Variants in DOK6 observed in about 807,000 individuals in gnomAD.
DOK6 encodes the protein downstream of tyrosine kinase 6.
A neutral mutation model predicts 44.0 loss-of-function variants in DOK6; 22 were observed. That is an observed-to-expected ratio of 0.50 (90% CI 0.36 to 0.71). DOK6 has a LOEUF of 0.71. DOK6 is among the 30% of genes least tolerant of loss of function. The pLI is 0.00. For missense variants in DOK6, 340 were observed against 416.4 expected, an observed-to-expected ratio of 0.82 and a Z score of 1.60; for synonymous variants, 166 against 145.5, an observed-to-expected ratio of 1.14 and a Z score of -1.01.
chr18:69,622,014 G>A (rs904022543), intron 3 of DOK6, among the ~76,000 whole-genome samples: 13 of 152,146 alleles, frequency 8.5e-5, no homozygotes, highest in African/African-American at 3.1e-4. Flanking sequence ...TAAAAATACT[G>A]TACATATAGT....
intron 5 of DOK6, among the ~76,000 whole-genome samples, chr18:69,707,286 AT>A (rs1270478032): frequency 6.6e-6 from 1 of 152,244 alleles, no homozygotes; most frequent in African/African-American, 2.4e-5. Flanking sequence ...ATTCAATGCC[AT>A]CCCCATCAAG....
chr18:69,762,936 G>T (rs934495238), intron 7 of DOK6, among the ~76,000 whole-genome samples: 2 of 152,144 alleles, frequency 1.3e-5, no homozygotes, highest in African/African-American at 2.4e-5. Flanking sequence ...CTTAAAGTAA[G>T]AAAAAGTCAG....
intron 1 of DOK6, among the ~76,000 whole-genome samples, chr18:69,562,147 C>G (rs1255087953): frequency 2.0e-5 from 3 of 152,120 alleles, no homozygotes; most frequent in Admixed American, 2.0e-4. Context: ...TGTCTTTAAA[C>G]ATATCTGTTG....
intron 4 of DOK6, among the ~76,000 whole-genome samples, chr18:69,679,068 C>T (rs1464082532): frequency 8.6e-5 from 13 of 151,890 alleles, no homozygotes; most frequent in East Asian, 1.9e-4. Context: ...TCCAGCTACT[C>T]GGGAGGCTGA....
intron 1 of DOK6, among the ~76,000 whole-genome samples, chr18:69,425,554 GAAATTTGA>G (rs1978614260): frequency 6.6e-6 from 1 of 151,766 alleles, no homozygotes. Context: ...GTATTAACTG[GAAATTTGA>G]ATGTATTATA....
intron 7 of DOK6, among the ~76,000 whole-genome samples, chr18:69,831,784 T>C (rs1275724774): frequency 1.3e-5 from 2 of 152,226 alleles, no homozygotes; most frequent in Non-Finnish European, 2.9e-5. Context: ...GTTTGACTTA[T>C]AATTAAAACA....
intron 1 of DOK6, among the ~76,000 whole-genome samples, chr18:69,446,987 T>A (rs908239641): frequency 1.6e-4 from 25 of 152,170 alleles, no homozygotes; most frequent in Non-Finnish European, 3.5e-4. Context: ...ATTGCAAAAA[T>A]TTTCTATTCT....
At chr18:69,546,877 A>C (rs941713555) in intron 1 of DOK6, among the ~76,000 whole-genome samples, 1 of 151,566 alleles carries the variant, frequency 6.6e-6, no homozygotes, top group East Asian at 1.9e-4. Context: ...TTCTTACATT[A>C]CTATAAAGAA....
chr18:69,754,850 G>A (rs925228001), intron 6 of DOK6, among the ~76,000 whole-genome samples: 3 of 152,130 alleles, frequency 2.0e-5, no homozygotes, highest in Admixed American at 6.6e-5. Context: ...TCATTTGGGG[G>A]ATAGTGTTTT....
chr18:69,725,501 T>A (rs909224796), intron 5 of DOK6, among the ~76,000 whole-genome samples: 2 of 152,198 alleles, frequency 1.3e-5, no homozygotes, highest in African/African-American at 4.8e-5. Flanking sequence ...AAATATGTAT[T>A]TATTGAGACA....
At chr18:69,401,534 G>C (rs2122374297) in intron 1 of DOK6, among the ~76,000 whole-genome samples, 1 of 152,236 alleles carries the variant, frequency 6.6e-6, no homozygotes, top group Admixed American at 6.5e-5. Flanking sequence ...CCCCATCCTC[G>C]AGTGCACCGG....
At chr18:69,487,177 A>ATG (rs5825940) in intron 1 of DOK6, among the ~76,000 whole-genome samples, 15,923 of 140,052 alleles carry the variant, frequency 0.11, 842 homozygotes, top group Non-Finnish European at 0.14. Flanking sequence ...CTGATAGGAT[A>ATG]TGTGTGTGTG....
intron 5 of DOK6, among the ~76,000 whole-genome samples, chr18:69,724,600 TAA>T (rs1978297016): frequency 6.6e-6 from 1 of 152,210 alleles, no homozygotes; most frequent in Non-Finnish European, 1.5e-5. Flanking sequence ...CCATTCTTTA[TAA>T]TAGTTGGTGC....
intron 1 of DOK6, among the ~76,000 whole-genome samples, chr18:69,531,284 GT>G (rs1298937195): frequency 6.9e-6 from 1 of 145,178 alleles, no homozygotes; most frequent in East Asian, 2.0e-4. Context: ...TATATTATAT[GT>G]TATATATTAT....
At chr18:69,448,729 T>C (rs1047759839) in intron 1 of DOK6, among the ~76,000 whole-genome samples, 7 of 152,212 alleles carry the variant, frequency 4.6e-5, no homozygotes, top group Non-Finnish European at 8.8e-5. Flanking sequence ...GAGAGATTAT[T>C]AATTTTTGGA....
intron 4 of DOK6, among the ~76,000 whole-genome samples, chr18:69,683,464 G>A (rs1986085834): frequency 6.6e-6 from 1 of 152,236 alleles, no homozygotes; most frequent in African/African-American, 2.4e-5. Flanking sequence ...ATAATCCAAT[G>A]ACATCTAATA....
At chr18:69,590,032 A>G (rs1983589711) in intron 2 of DOK6, among the ~76,000 whole-genome samples, 1 of 152,070 alleles carries the variant, frequency 6.6e-6, no homozygotes, top group African/African-American at 2.4e-5. Flanking sequence ...CATATACCCT[A>G]AGAGAATAAA....
At chr18:69,706,086 C>A (rs527355684) in intron 5 of DOK6, among the ~76,000 whole-genome samples, 2 of 152,182 alleles carry the variant, frequency 1.3e-5, no homozygotes, top group African/African-American at 2.4e-5. Context: ...GTCACACATG[C>A]CTCATCCTTG....
intron 1 of DOK6, among the ~76,000 whole-genome samples, chr18:69,423,991 A>G (rs1978567130): frequency 1.3e-5 from 2 of 152,192 alleles, no homozygotes; most frequent in South Asian, 4.1e-4. Context: ...TCAACTTTAT[A>G]TAATCAGAAT....
Sources: gnomAD v4.1 joint callset for allele counts (sites outside exome capture counted in the v4.1 genomes callset) on GRCh38, gnomAD v4.1.1 for gene constraint, MANE v1.5 for transcripts, NCBI Gene and HGNC (gene_info 2026-07-23, HGNC 2026-07-21) for gene names.